DNER: variants seen among roughly 807,000 people sequenced by gnomAD.
DNER encodes the protein delta and Notch-like epidermal growth factor-related receptor.
Under a neutral mutation model 78.2 loss-of-function variants are expected in DNER, and 33 were observed. The ratio of observed to expected loss-of-function variants is 0.42; its 90% CI spans 0.32 to 0.56. DNER has a LOEUF of 0.56. Among genes scored for constraint, DNER ranks in the 20% least tolerant of loss-of-function variants. DNER has a pLI of 0.11. For synonymous variants in DNER, 417 were observed against 384.8 expected (o/e 1.08, Z -0.98); for missense variants, 918 against 975.3 (o/e 0.94, Z 0.78).
At chr2:229,528,466 T>A (rs1431813403) in intron 5 of DNER, among the ~76,000 whole-genome samples, 2 of 152,224 alleles carry the variant, frequency 1.3e-5, no homozygotes, top group East Asian at 3.8e-4. Context: ...ACCACAGCCC[T>A]GTGACATAGA....
intron 5 of DNER, among the ~76,000 whole-genome samples, chr2:229,536,406 T>G (rs1437617316): frequency 6.6e-6 from 1 of 152,130 alleles, no homozygotes; most frequent in East Asian, 1.9e-4. Context: ...TGAAAATGAA[T>G]GAATCCTCCA....
At chr2:229,417,907 G>T (rs1224648256) in intron 9 of DNER, among the ~76,000 whole-genome samples, 3 of 152,216 alleles carry the variant, frequency 2.0e-5, no homozygotes, top group Non-Finnish European at 4.4e-5. Flanking sequence ...GGACAGGAAA[G>T]GGGGTTGTTT....
chr2:229,509,147 C>T (rs1695810811), intron 6 of DNER, among the ~76,000 whole-genome samples: 1 of 152,224 alleles, frequency 6.6e-6, no homozygotes, highest in African/African-American at 2.4e-5. Flanking sequence ...GTGTTATCAT[C>T]AATTCAATTC....
intron 1 of DNER, among the ~76,000 whole-genome samples, chr2:229,709,855 C>A (rs184580786): frequency 5.4e-4 from 82 of 152,166 alleles, no homozygotes; most frequent in African/African-American, 1.4e-3. Context: ...CAAAGTAATA[C>A]AAATGTAAAT....
intron 6 of DNER, among the ~76,000 whole-genome samples, chr2:229,489,506 G>A (rs867819850): frequency 5.3e-5 from 8 of 151,398 alleles, no homozygotes; most frequent in Non-Finnish European, 7.4e-5. Flanking sequence ...TGGGGGGCGC[G>A]GACAGAGGGA....
intron 1 of DNER, among the ~76,000 whole-genome samples, chr2:229,632,690 A>G (rs949840717): frequency 2.6e-5 from 4 of 152,250 alleles, no homozygotes; most frequent in Non-Finnish European, 5.9e-5. Flanking sequence ...CAGTGTTAAC[A>G]TAGGTAGTCC....
rs546286403 is a variant in DNER at position 229,447,186 on chromosome 2, T to A, written c.1486+130A>T. Reference sequence around the variant, plus strand: ...AAGTATATCAGTAAGTATACTTACTTACAAGCATACCAGTAAGTATACCAC... The same window carrying A: ...AAGTATATCAGTAAGTATACTTACTAACAAGCATACCAGTAAGTATACCAC... On this transcript the variant is annotated intron_variant, in intron 8 of 12. Coordinates refer to ENST00000341772, the MANE Select transcript of DNER (RefSeq NM_139072.4). 7 of 876,788 alleles carry A rather than the reference T, an allele frequency of 8.0e-6. No homozygotes were observed. In the African/African-American group the frequency reaches 8.5e-5, roughly 11 times the overall value. 54.3% of individuals were successfully genotyped at this position (876,788 alleles called of 1,614,324 possible).
intron 4 of DNER, among the ~76,000 whole-genome samples, chr2:229,564,877 T>C (rs770287283): frequency 1.5e-4 from 23 of 152,162 alleles, no homozygotes; most frequent in Non-Finnish European, 2.5e-4. Context: ...ATCTAGAGGC[T>C]GGGAAGTACA....
At chr2:229,599,541 C>A (rs552918013) in intron 1 of DNER, among the ~76,000 whole-genome samples, 11 of 152,060 alleles carry the variant, frequency 7.2e-5, no homozygotes, top group Non-Finnish European at 1.0e-4. Flanking sequence ...CCAAGTTATG[C>A]CAACCAAAAA....
intron 1 of DNER, among the ~76,000 whole-genome samples, chr2:229,692,508 T>C (rs1699595701): frequency 6.6e-6 from 1 of 152,230 alleles, no homozygotes; most frequent in Non-Finnish European, 1.5e-5. Context: ...TGCAAGTTGA[T>C]TACCATTTTC....
chr2:229,694,403 T>G (rs1225930565), intron 1 of DNER, among the ~76,000 whole-genome samples: 1 of 152,290 alleles, frequency 6.6e-6, no homozygotes, highest in East Asian at 1.9e-4. Context: ...GACCCCAGAA[T>G]GGTAGACCCA....
At chr2:229,642,161 T>A (rs768578774) in intron 1 of DNER, among the ~76,000 whole-genome samples, 9 of 152,244 alleles carry the variant, frequency 5.9e-5, no homozygotes, top group Admixed American at 1.3e-4. Context: ...TTAAATTGAT[T>A]TTCCTAGTAT....
intron 7 of DNER, among the ~76,000 whole-genome samples, chr2:229,449,479 G>T (rs905390080): frequency 5.3e-5 from 8 of 151,730 alleles, no homozygotes; most frequent in African/African-American, 1.5e-4. Flanking sequence ...TAATATGAAG[G>T]AATAATTTTG....
chr2:229,628,765 G>A (rs1030809997), intron 1 of DNER, among the ~76,000 whole-genome samples: 9 of 152,090 alleles, frequency 5.9e-5, no homozygotes, highest in Non-Finnish European at 1.0e-4. Flanking sequence ...TCAACAGCTC[G>A]TAATCTTACC....
intron 7 of DNER, among the ~76,000 whole-genome samples, chr2:229,470,492 A>T (rs113482016): frequency 0.021 from 3,194 of 151,736 alleles, 120 homozygotes; most frequent in African/African-American, 0.073. Context: ...GCTATGCAAA[A>T]AATAATAATA....
At chr2:229,713,379 T>C (rs966665478) in intron 1 of DNER, among the ~76,000 whole-genome samples, 1 of 152,188 alleles carries the variant, frequency 6.6e-6, no homozygotes, top group African/African-American at 2.4e-5. Flanking sequence ...CATCGTCCCA[T>C]CCCTCGCACC....
At chr2:229,682,620 G>A (rs181694291) in intron 1 of DNER, among the ~76,000 whole-genome samples, 46 of 152,286 alleles carry the variant, frequency 3.0e-4, no homozygotes, top group African/African-American at 9.9e-4. Context: ...GGTCGAGGCC[G>A]GCAGATCACC....
intron 7 of DNER, among the ~76,000 whole-genome samples, chr2:229,470,298 T>C (rs1694896821): frequency 6.6e-6 from 1 of 152,134 alleles, no homozygotes; most frequent in African/African-American, 2.4e-5. Flanking sequence ...AACTTCTGAC[T>C]GCCCTCTGTC....
chr2:229,687,974 T>A (rs1699513958), intron 1 of DNER, among the ~76,000 whole-genome samples: 1 of 152,228 alleles, frequency 6.6e-6, no homozygotes, highest in South Asian at 2.1e-4. Flanking sequence ...TTGGCAAGTT[T>A]CCGTTGTGGC....
Sources: allele counts gnomAD v4.1 joint callset (sites outside exome capture counted in the v4.1 genomes callset), GRCh38; gene constraint gnomAD v4.1.1; transcripts MANE v1.5; gene names NCBI Gene and HGNC (gene_info 2026-07-23, HGNC 2026-07-21).